COL19A1: variants seen among roughly 807,000 people sequenced by gnomAD.
The protein encoded by COL19A1 is collagen type XIX alpha 1 chain.
In COL19A1, 159 loss-of-function variants were observed where a neutral mutation model predicts 190.2. That is an observed-to-expected ratio of 0.84 (90% CI 0.73 to 0.95). The LOEUF (loss-of-function observed/expected upper bound fraction) is 0.95, where lower values mean the gene tolerates loss of function less well. COL19A1 is among the 40% of genes least tolerant of loss of function. The pLI is 0.00. For synonymous variants in COL19A1, 509 were observed against 458.9 expected (o/e 1.11, Z -1.39); for missense variants, 1,418 against 1,431.9 (o/e 0.99, Z 0.16).
chr6:69,962,812 T>G lies in COL19A1; in HGVS notation c.982-14T>G, dbSNP rs113501564. On this transcript the variant is annotated splice_polypyrimidine_tract_variant and intron_variant, in intron 10 of 50. Coordinates refer to ENST00000620364, the MANE Select transcript of COL19A1 (RefSeq NM_001858.6). ...CATTTTTATTACTATACACATCATA[T>G]TCCTCTTCTACAGGGAGAGCAAGGT... is the stretch of plus-strand genomic sequence containing the variant. 14 of 1,590,072 alleles carry G rather than the reference T, an allele frequency of 8.8e-6. No homozygotes were observed. In the Admixed American group the frequency reaches 1.7e-4, roughly 19 times the overall value.
At chr6:70,068,958 G>A (rs1164902057) in intron 15 of COL19A1, among the ~76,000 whole-genome samples, 1 of 152,072 alleles carries the variant, frequency 6.6e-6, no homozygotes, top group Non-Finnish European at 1.5e-5. Context: ...TGGTAGTAGA[G>A]CAATAACCTC....
intron 14 of COL19A1, among the ~76,000 whole-genome samples, chr6:70,061,543 T>C (rs1780829127): frequency 6.6e-6 from 1 of 152,124 alleles, no homozygotes; most frequent in African/African-American, 2.4e-5. Context: ...TAAATATTTT[T>C]TGCGTTTGTT....
chr6:70,107,762 G>A lies in COL19A1; in HGVS notation c.1278+5540G>A, dbSNP rs559210517. 1.4e-4 allele frequency among the ~76,000 whole-genome samples: 22 copies of A among 152,220 alleles called. No individual in the cohort carries two copies. In the South Asian group the frequency reaches 2.7e-3, roughly 19 times the overall value. On this transcript the variant is annotated intron_variant, in intron 16 of 50. Coordinates refer to ENST00000620364, the MANE Select transcript of COL19A1 (RefSeq NM_001858.6). ...AGATCCAAAAGTTATTCCCAATTAG[G>A]TAACAATAACAACCAGGTCTAAAGA...
intron 1 of COL19A1, among the ~76,000 whole-genome samples, chr6:69,872,048 A>C (rs867534031): frequency 3.6e-4 from 54 of 152,038 alleles, no homozygotes; most frequent in Admixed American, 2.6e-4. Flanking sequence ...AACTCCTGAC[A>C]TCAGGCAATC....
chr6:70,124,729 A>G (rs1785092209), intron 17 of COL19A1, among the ~76,000 whole-genome samples: 1 of 152,198 alleles, frequency 6.6e-6, no homozygotes, highest in Admixed American at 6.5e-5. Context: ...TCTAAATGTG[A>G]CTTTAAAGCT....
At chr6:69,984,475 C>T (rs1322442411) in intron 11 of COL19A1, among the ~76,000 whole-genome samples, 1 of 152,132 alleles carries the variant, frequency 6.6e-6, no homozygotes, top group African/African-American at 2.4e-5. Flanking sequence ...CCTCTTTCCT[C>T]TCCTTCCTTC....
chr6:69,933,084 C>T (rs1010589303), intron 7 of COL19A1, among the ~76,000 whole-genome samples: 1 of 152,058 alleles, frequency 6.6e-6, no homozygotes, highest in Non-Finnish European at 1.5e-5. Flanking sequence ...AATATATACT[C>T]ACTTTGAACT....
chr6:70,197,226 C>G (rs935000412), intron 48 of COL19A1, among the ~76,000 whole-genome samples: 2 of 151,812 alleles, frequency 1.3e-5, no homozygotes, highest in Non-Finnish European at 2.9e-5. Flanking sequence ...CGAGACCATT[C>G]TGGCTGACAC....
intron 48 of COL19A1, among the ~76,000 whole-genome samples, chr6:70,192,603 T>C (rs1766951038): frequency 1.3e-5 from 2 of 151,952 alleles, no homozygotes; most frequent in South Asian, 4.2e-4. Flanking sequence ...AAAAGGCAAC[T>C]GTTTGAAAAA....
At chr6:70,186,609 G>A (rs558319268) in intron 46 of COL19A1, among the ~76,000 whole-genome samples, 22 of 152,046 alleles carry the variant, frequency 1.4e-4, no homozygotes, top group Non-Finnish European at 5.9e-5. Context: ...TGAGATACAG[G>A]ACCACTTCAA....
At chr6:70,141,520 T>C (rs1299646350) in intron 20 of COL19A1, among the ~76,000 whole-genome samples, 1 of 152,070 alleles carries the variant, frequency 6.6e-6, no homozygotes, top group Non-Finnish European at 1.5e-5. Flanking sequence ...CCAACACATA[T>C]TACCTTAAAT....
At chr6:70,178,258 T>C (rs1765938515) in intron 42 of COL19A1, among the ~76,000 whole-genome samples, 1 of 152,002 alleles carries the variant, frequency 6.6e-6, no homozygotes, top group Non-Finnish European at 1.5e-5. Context: ...GCACCTTTAG[T>C]CCCAACTGCT....
intron 15 of COL19A1, among the ~76,000 whole-genome samples, chr6:70,072,627 C>T (rs1177564304): frequency 6.6e-6 from 1 of 152,172 alleles, no homozygotes; most frequent in Non-Finnish European, 1.5e-5. Flanking sequence ...TCTTGATTGC[C>T]TCCTTGCAAC....
At chr6:70,157,585 T>C (rs1317053019) in intron 34 of COL19A1, among the ~76,000 whole-genome samples, 1 of 152,140 alleles carries the variant, frequency 6.6e-6, no homozygotes, top group African/African-American at 2.4e-5. Context: ...GTACTATTGT[T>C]TCTAATTAAT....
At chr6:70,079,062 T>C (rs1343850164) in intron 15 of COL19A1, among the ~76,000 whole-genome samples, 1 of 152,096 alleles carries the variant, frequency 6.6e-6, no homozygotes, top group Non-Finnish European at 1.5e-5. Context: ...GGAGACTCTA[T>C]CTCAAAGAAA....
intron 47 of COL19A1, among the ~76,000 whole-genome samples, chr6:70,188,888 C>T (rs975778912): frequency 3.3e-5 from 5 of 152,176 alleles, no homozygotes; most frequent in African/African-American, 4.8e-5. Flanking sequence ...GTTAAAGACA[C>T]ATTCTCCTCA....
intron 14 of COL19A1, among the ~76,000 whole-genome samples, chr6:70,043,098 G>T (rs944572712): frequency 6.6e-6 from 1 of 152,106 alleles, no homozygotes; most frequent in African/African-American, 2.4e-5. Context: ...GCCTTTAATG[G>T]CATGTAGAAT....
rs542222375 is a variant in COL19A1 at position 70,152,982 on chromosome 6, T to C, written c.2079+1544T>C. Among the ~76,000 whole-genome samples the C allele has an allele frequency of 1.8e-3, 281 of 152,120 alleles. 1 individual carries two copies. The highest frequency in any genetic ancestry group is 6.4e-3 in the African/African-American group (264 of 41,502). On this transcript the variant is annotated intron_variant, in intron 31 of 50. Coordinates refer to ENST00000620364, the MANE Select transcript of COL19A1 (RefSeq NM_001858.6). ...TCTCAGAAGTGGAACTAATTGACAA[T>C]CTCGCCCGGGAATCATCCCTCTAAT...
At chr6:69,886,487 C>G (rs911302190) in intron 2 of COL19A1, among the ~76,000 whole-genome samples, 1 of 152,088 alleles carries the variant, frequency 6.6e-6, no homozygotes, top group Non-Finnish European at 1.5e-5. Flanking sequence ...GGTCTACATC[C>G]AAAAAAGATG....
Sources: gnomAD v4.1 joint callset for allele counts (sites outside exome capture counted in the v4.1 genomes callset) on GRCh38, gnomAD v4.1.1 for gene constraint, MANE v1.5 for transcripts, NCBI Gene and HGNC (gene_info 2026-07-23, HGNC 2026-07-21) for gene names.